Variants in CLPSL1 observed in about 807,000 individuals in gnomAD.
CLPSL1 encodes the protein colipase-like protein 1.
Under a neutral mutation model 9.3 loss-of-function variants are expected in CLPSL1, and 13 were observed. The ratio of observed to expected loss-of-function variants is 1.40; its 90% CI spans 0.91 to 2.22. The LOEUF is 2.22. Among genes scored for constraint, CLPSL1 ranks in the 30% most tolerant of loss-of-function variants. The pLI is 0.00. For missense variants in CLPSL1, 164 were observed against 146.6 expected (o/e 1.12, Z -0.61); for synonymous variants, 58 against 56.9 (o/e 1.02, Z -0.08).
chr6:35,784,404 G>A (rs930086281), intron 1 of CLPSL1, among the ~76,000 whole-genome samples: 4 of 152,224 alleles, frequency 2.6e-5, no homozygotes, highest in South Asian at 4.2e-4. Flanking sequence ...TGCTGGAGGG[G>A]TATTAATGAG....
chr6:35,787,780 A>G lies in CLPSL1; in HGVS notation c.223-87A>G, dbSNP rs998401268. 1.9e-5 allele frequency: 25 copies of G among 1,301,546 alleles called. No homozygotes were observed. In the African/African-American group the frequency reaches 3.0e-4, roughly 16 times the overall value. 80.6% of individuals were successfully genotyped at this position (1,301,546 alleles called of 1,614,324 possible). ...CTGGATCCTGGCTGTGGGCAAGCACATGGGCCCTGGAGCTGGGCTGGGCTG... is the reference window on the plus strand; with the variant it reads ...CTGGATCCTGGCTGTGGGCAAGCACGTGGGCCCTGGAGCTGGGCTGGGCTG... On this transcript the variant is annotated intron_variant, in intron 2 of 2. Coordinates refer to ENST00000373861, the MANE Select transcript of CLPSL1 (RefSeq NM_001010886.5).
Position 35,781,170 on chromosome 6 carries a change from C to T in CLPSL1, c.60C>T (p.Leu20=), listed in dbSNP as rs187830491. 4.4e-3 allele frequency: 7,177 copies of T among 1,614,044 alleles called. 29 individuals carry two copies. The highest frequency in any genetic ancestry group is 5.8e-3 in the Non-Finnish European group (6,822 of 1,179,932). The change falls in exon 1 of 3, where the codon CTC becomes CTT. Residue 20 remains leucine, a synonymous_variant. Coordinates refer to ENST00000373861, the MANE Select transcript of CLPSL1 (RefSeq NM_001010886.5). ...LFLLFFFLFL[L]TRGSLSPTKY... is the part of the protein sequence containing the mutation. ...TTCTCTTCTTCTTTCTCTTCCTCCT[C>T]ACCAGGGGCTCACTTTCTCCAACAA... is the stretch of plus-strand genomic sequence containing the variant.
At chr6:35,791,215 CAG>C (rs1768201216), downstream of CLPSL1, among the ~76,000 whole-genome samples, 3 of 152,352 alleles carry the variant, frequency 2.0e-5, no homozygotes, top group South Asian at 4.1e-4. Flanking sequence ...TGTCAGAATC[CAG>C]AGAGATTTGT....
chr6:35,789,551 C>T (rs1291900834), downstream of CLPSL1, among the ~76,000 whole-genome samples: 2 of 152,244 alleles, frequency 1.3e-5, no homozygotes. Flanking sequence ...GGATAAGACA[C>T]CAACAGCACA....
Position 35,781,154 on chromosome 6 carries a change from T to C in CLPSL1, c.44T>C (p.Phe15Ser), listed in dbSNP as rs34109614. 498,941 of 1,613,620 alleles carry C rather than the reference T, an allele frequency of 0.31. 78,023 individuals are homozygous for C. The highest frequency in any genetic ancestry group is 0.34 in the African/African-American group (25,524 of 74,940). The change falls in exon 1 of 3, where the codon TTC (phenylalanine) becomes TCC (serine). Residue 15 changes from phenylalanine (F) to serine (S), a missense_variant. Phe to Ser is a radical substitution (Grantham distance 155, BLOSUM62 -2). Coordinates refer to ENST00000373861, the MANE Select transcript of CLPSL1 (RefSeq NM_001010886.5). ...CTGCTGCTGCTGTTCCTTCTCTTCT[T>C]CTTTCTCTTCCTCCTCACCAGGGGC... ...QWLLLLFLLFFFLFLLTRGSL... is the reference protein window; with the variant it reads ...QWLLLLFLLFSFLFLLTRGSL...
In CLPSL1 at chr6:35,787,607, T is replaced by C. The variant is rs1015167673; in HGVS notation, c.223-260T>C. 3.9e-5 allele frequency among the ~76,000 whole-genome samples: 6 copies of C among 152,376 alleles called. No individual in the cohort carries two copies. In the South Asian group the frequency reaches 1.2e-3, roughly 32 times the overall value. On this transcript the variant is annotated intron_variant, in intron 2 of 2. Transcript: ENST00000373861. ...AAGACATAGAGGTCCTGCGATGGTG[T>C]GTCCATGGACTTAGGACAGGCAGAT...
Position 35,787,049 on chromosome 6 carries a change from C to T in CLPSL1, c.151C>T (p.Gln51Ter), listed in dbSNP as rs1433301685. The T allele has an allele frequency of 8.7e-6, 14 of 1,600,560 alleles. No individual in the cohort carries two copies. The highest frequency in any genetic ancestry group is 2.3e-5 in the East Asian group (1 of 44,330). ...RNQDCETGCC[Q>*]RAPDNCESHC... ...CCAGGACTGCGAGACTGGCTGCTGC[C>T]AACGTGCTCCAGACAATTGCGAGTC... Residue 51 changes from glutamine to a stop codon, truncating the protein, a stop_gained, in exon 2 of 3, where the codon CAA becomes TAA. Transcript: ENST00000373861. LOFTEE classifies it high-confidence loss of function.
chr6:35,790,994 A>G (rs1185444360), downstream of CLPSL1, among the ~76,000 whole-genome samples: 1 of 151,586 alleles, frequency 6.6e-6, no homozygotes. Flanking sequence ...GCAGTGAGCC[A>G]TGGTCGCACC....
downstream of CLPSL1, among the ~76,000 whole-genome samples, chr6:35,788,721 GAA>G (rs1768137540): frequency 6.6e-6 from 1 of 152,264 alleles, no homozygotes; most frequent in Non-Finnish European, 1.5e-5. Flanking sequence ...GAGAGCCTAG[GAA>G]AGAGTGAGAA....
chr6:35,785,474 G>T (rs1768051339), intron 1 of CLPSL1, among the ~76,000 whole-genome samples: 1 of 152,080 alleles, frequency 6.6e-6, no homozygotes, highest in Admixed American at 6.5e-5. Flanking sequence ...ACCATGCCTG[G>T]CCCTGTCCCC....
chr6:35,781,045 C>A lies in CLPSL1; in HGVS notation c.-66C>A. ...CATGGTGTTCCCACAGCTGGGAGGACACCCACATGGTCGGCGTGCAGGATA... is the reference window on the plus strand; with the variant it reads ...CATGGTGTTCCCACAGCTGGGAGGAAACCCACATGGTCGGCGTGCAGGATA... On this transcript the variant is annotated 5_prime_UTR_variant, in exon 1 of 3. Transcript: ENST00000373861. 2 of 1,593,286 alleles carry A rather than the reference C, an allele frequency of 1.3e-6. No individual in the cohort carries two copies. The highest frequency in any genetic ancestry group is 1.7e-5 in the Admixed American group (1 of 58,474).
In CLPSL1 at chr6:35,793,329, G is replaced by A. The variant is rs931006653; in HGVS notation, c.82-159G>A. The stretch of plus-strand genomic sequence containing the variant: ...AGTCCCAGCTACTTGGGAGGCTGAA[G>A]CAGGAGAATCGCATGAACCCAGGAG... On this transcript the variant is annotated intron_variant, in intron 1 of 1. Transcript: ENST00000428710. 2.0e-5 allele frequency among the ~76,000 whole-genome samples: 3 copies of A among 151,952 alleles called. No individual in the cohort carries two copies. In the East Asian group the frequency reaches 5.8e-4, roughly 29 times the overall value.
rs142432819 is a variant in CLPSL1, at chr6:35,785,707, T to C, written c.100-1291T>C. Among the ~76,000 whole-genome samples, 38 of 152,208 alleles carry C rather than the reference T, an allele frequency of 2.5e-4. 1 individual carries two copies. The East Asian group carries it at 7.2e-3, about 29-fold the overall frequency. On this transcript the variant is annotated intron_variant, in intron 1 of 2. Coordinates refer to ENST00000373861, the MANE Select transcript of CLPSL1 (RefSeq NM_001010886.5). ...AGGCAATGTGATAACTGTTGAACCA[T>C]CACCTGACATTCCTGGTGGGTGGGG...
At chr6:35,792,399 GAAT>G (rs1768238632), downstream of CLPSL1, among the ~76,000 whole-genome samples, 2 of 152,382 alleles carry the variant, frequency 1.3e-5, no homozygotes, top group Non-Finnish European at 1.5e-5. Context: ...GCCTATTTTA[GAAT>G]AAAGTGTCGA....
intron 1 of CLPSL1, 34 bp from the exon 2 acceptor site, chr6:35,786,964 G>T (rs1035612056): frequency 6.4e-7 from 1 of 1,554,870 alleles, no homozygotes; most frequent in East Asian, 2.4e-5. Flanking sequence ...AAGGCGGGCG[G>T]TGGAGCCTGG....
Position 35,788,007 on chromosome 6 carries a change from C to G in CLPSL1, c.363C>G (p.Phe121Leu). The G allele has an allele frequency of 1.2e-6, 2 of 1,609,876 alleles. No homozygotes were observed. The highest frequency in any genetic ancestry group is 1.7e-6 in the Non-Finnish European group (2 of 1,176,348). ...GRQKLAKKMF[F>L] The stretch of plus-strand genomic sequence containing the variant: ...AGAAGTTGGCTAAGAAAATGTTCTT[C>G]TAGTGCTCCCTCCTTCTTGCTGCCT... The change falls in exon 3 of 3, where the codon TTC (phenylalanine) becomes TTG (leucine). Residue 121 changes from phenylalanine to leucine, a missense_variant. By Grantham distance (22) the Phe-to-Leu change is conservative (BLOSUM62 0). Coordinates refer to ENST00000373861, the MANE Select transcript of CLPSL1 (RefSeq NM_001010886.5).
At chr6:35,781,346 T>G (rs530580516) in intron 1 of CLPSL1, 137 bp downstream of exon 1, 14 of 1,327,930 alleles carry the variant, frequency 1.1e-5, no homozygotes, top group Non-Finnish European at 1.4e-5. Context: ...GGGTGGAAGA[T>G]GTCTCGGAGG....
intron 2 of CLPSL1, among the ~76,000 whole-genome samples, chr6:35,787,651 G>A (rs548674437): frequency 6.6e-6 from 1 of 152,270 alleles, no homozygotes; most frequent in African/African-American, 2.4e-5. Context: ...GACAGGCAGG[G>A]TTACAAGGTC....
chr6:35,787,804 T>C (rs1373773717), intron 2 of CLPSL1, 63 bp from the exon 3 acceptor site: 10 of 1,534,058 alleles, frequency 6.5e-6, no homozygotes, highest in Non-Finnish European at 8.9e-6. Context: ...TGGGCTGGGC[T>C]GGGCTTAGGG....
Sources: allele counts gnomAD v4.1 joint callset (sites outside exome capture counted in the v4.1 genomes callset), GRCh38; gene constraint gnomAD v4.1.1; transcripts MANE v1.5; gene names NCBI Gene and HGNC (gene_info 2026-07-23, HGNC 2026-07-21).